The following C8orf34 variants were observed in gnomAD, a reference collection of about 807,000 sequenced individuals.
The protein encoded by C8orf34 is chromosome 8 open reading frame 34, also known as uncharacterized protein C8orf34.
Under a neutral mutation model 68.3 loss-of-function variants are expected in C8orf34, and 65 were observed. The ratio of observed to expected loss-of-function variants is 0.95; its 90% CI spans 0.78 to 1.17. C8orf34 has a LOEUF of 1.17. C8orf34 is among the 50% of genes most tolerant of loss of function. The pLI is 0.00. For missense variants in C8orf34, 664 were observed against 655.4 expected (o/e 1.01, Z -0.14); for synonymous variants, 244 against 241.2 (o/e 1.01, Z -0.11).
chr8:68,593,443 GGT>G (rs1470932573), intron 7 of C8orf34, among the ~76,000 whole-genome samples: 1 of 151,806 alleles, frequency 6.6e-6, no homozygotes, highest in African/African-American at 2.4e-5. Flanking sequence ...AAATATGCCG[GGT>G]CCATCTTTAA....
At chr8:68,494,306 A>G (rs1269600008) in intron 5 of C8orf34, among the ~76,000 whole-genome samples, 18 of 152,240 alleles carry the variant, frequency 1.2e-4, no homozygotes, top group Non-Finnish European at 2.6e-4. Flanking sequence ...TTCTACTTAT[A>G]TGAAGTATTT....
intron 2 of C8orf34, among the ~76,000 whole-genome samples, chr8:68,440,034 C>T (rs536344838): frequency 1.2e-3 from 184 of 152,118 alleles, no homozygotes; most frequent in Non-Finnish European, 2.2e-3. Flanking sequence ...TCTTGTTGCC[C>T]AAACTGATGA....
At chr8:68,811,827 G>A (rs1824659778) in intron 12 of C8orf34, among the ~76,000 whole-genome samples, 1 of 152,160 alleles carries the variant, frequency 6.6e-6, no homozygotes, top group Non-Finnish European at 1.5e-5. Context: ...TTATTAATAT[G>A]ATTTTACAAA....
chr8:68,494,544 T>A (rs1218486994), intron 5 of C8orf34, among the ~76,000 whole-genome samples: 1 of 152,136 alleles, frequency 6.6e-6, no homozygotes, highest in Non-Finnish European at 1.5e-5. Flanking sequence ...ATGTTATGAT[T>A]TTTCTGTAAC....
intron 1 of C8orf34, among the ~76,000 whole-genome samples, chr8:68,367,824 C>CT (rs1807352016): frequency 7.5e-6 from 1 of 132,590 alleles, no homozygotes; most frequent in African/African-American, 2.8e-5. Context: ...GGGTGCAGCG[C>CT]ACCAGCATGG....
chr8:68,566,869 C>T lies in C8orf34; in HGVS notation c.1105+33720C>T, dbSNP rs193205958. Among the ~76,000 whole-genome samples the T allele has an allele frequency of 3.9e-5, 6 of 152,274 alleles. No individual in the cohort carries two copies. In the East Asian group the frequency reaches 1.2e-3, roughly 29 times the overall value. On this transcript the variant is annotated intron_variant, in intron 7 of 13. Coordinates refer to ENST00000518698, the MANE Select transcript of C8orf34 (RefSeq NM_052958.4). The stretch of plus-strand genomic sequence containing the variant: ...TGCTGGATTTTGTTGAAGGCTTTTT[C>T]TGCATCTGTTGAGATGATCATGTGA...
intron 11 of C8orf34, among the ~76,000 whole-genome samples, chr8:68,786,526 T>A (rs1823850972): frequency 6.6e-6 from 1 of 152,176 alleles, no homozygotes; most frequent in African/African-American, 2.4e-5. Context: ...GAGGAGTAAC[T>A]CTGCCTTGCA....
intron 1 of C8orf34, among the ~76,000 whole-genome samples, chr8:68,335,970 C>T (rs796537430): frequency 1.3e-5 from 2 of 151,980 alleles, no homozygotes; most frequent in South Asian, 2.1e-4. Context: ...ACCTGTAATC[C>T]CAGCTCCTCG....
At chr8:68,726,070 A>G (rs1157571516) in intron 10 of C8orf34, among the ~76,000 whole-genome samples, 3 of 152,016 alleles carry the variant, frequency 2.0e-5, no homozygotes, top group African/African-American at 7.3e-5. Context: ...CGCCACACCC[A>G]GCTAATTTTT....
At chr8:68,533,703 T>G in intron 7 of C8orf34, 1 of 951,680 alleles carries the variant, frequency 1.1e-6, no homozygotes, top group Non-Finnish European at 1.3e-6. Flanking sequence ...ATCTTGTATA[T>G]GTAGGATATC....
chr8:68,419,967 T>C (rs1809879663), intron 1 of C8orf34, among the ~76,000 whole-genome samples: 1 of 141,852 alleles, frequency 7.0e-6, no homozygotes, highest in Non-Finnish European at 1.5e-5. Flanking sequence ...ACCCTAAAAC[T>C]TAAAGTATAA....
chr8:68,534,447 T>A, intron 7 of C8orf34: 1 of 710,844 alleles, frequency 1.4e-6, no homozygotes. Flanking sequence ...TTTGAAGGAA[T>A]TTTACATTGT....
intron 5 of C8orf34, among the ~76,000 whole-genome samples, chr8:68,517,678 C>T (rs1294470978): frequency 6.6e-6 from 1 of 152,194 alleles, no homozygotes; most frequent in Non-Finnish European, 1.5e-5. Flanking sequence ...TGATTCTCTA[C>T]TGCTCTCCAC....
intron 4 of C8orf34, among the ~76,000 whole-genome samples, chr8:68,477,335 A>C (rs113107613): frequency 9.3e-4 from 141 of 152,352 alleles, no homozygotes; most frequent in African/African-American, 3.2e-3. Context: ...CTTGGAGGCA[A>C]CATGGGGACA....
intron 11 of C8orf34, among the ~76,000 whole-genome samples, chr8:68,784,962 C>T (rs941342749): frequency 1.3e-5 from 2 of 152,006 alleles, no homozygotes; most frequent in Non-Finnish European, 2.9e-5. Context: ...TTTTAGAAAC[C>T]AAGATTGGGG....
At chr8:68,726,203 TG>T (rs1821826052) in intron 10 of C8orf34, among the ~76,000 whole-genome samples, 1 of 152,168 alleles carries the variant, frequency 6.6e-6, no homozygotes, top group Admixed American at 6.5e-5. Flanking sequence ...CCACCATGCC[TG>T]GTCACCAATA....
intron 1 of C8orf34, among the ~76,000 whole-genome samples, chr8:68,401,838 G>C (rs961682536): frequency 3.4e-5 from 5 of 148,938 alleles, no homozygotes; most frequent in African/African-American, 1.3e-4. Flanking sequence ...TGTTCATCAG[G>C]GATATTGGTC....
intron 9 of C8orf34, among the ~76,000 whole-genome samples, chr8:68,711,815 G>A (rs1020162769): frequency 5.9e-5 from 9 of 151,970 alleles, no homozygotes; most frequent in African/African-American, 1.5e-4. Flanking sequence ...CTAGAACTCC[G>A]AATACAAGAA....
chr8:68,664,298 A>G (rs1819773059), intron 8 of C8orf34, among the ~76,000 whole-genome samples: 1 of 152,190 alleles, frequency 6.6e-6, no homozygotes, highest in Admixed American at 6.5e-5. Flanking sequence ...TTCCTCCAGT[A>G]GTTAGCTTGG....
Sources: allele counts gnomAD v4.1 joint callset (sites outside exome capture counted in the v4.1 genomes callset), GRCh38; gene constraint gnomAD v4.1.1; transcripts MANE v1.5; gene names NCBI Gene and HGNC (gene_info 2026-07-23, HGNC 2026-07-21).